MCM10: variants seen among roughly 807,000 people sequenced by gnomAD.
MCM10 encodes the protein minichromosome maintenance 10 replication initiation factor.
MCM10 carries 91 observed loss-of-function variants against 109.9 expected under a neutral mutation model. That is an observed-to-expected ratio of 0.83 (90% CI 0.70 to 0.99). The LOEUF is 0.99. Ranked by LOEUF, MCM10 falls within the 50% of genes least tolerant of loss-of-function variation. The pLI is 0.00. For synonymous variants in MCM10, 380 were observed against 387.2 expected (o/e 0.98, Z 0.22); for missense variants, 1,077 against 1,061.2 (o/e 1.01, Z -0.21).
chr10:13,176,934 A>C (rs187244115), intron 6 of MCM10, among the ~76,000 whole-genome samples: 52 of 152,328 alleles, frequency 3.4e-4, no homozygotes, highest in African/African-American at 1.1e-3. Flanking sequence ...GTATTCTCCA[A>C]AACTGAAGAA....
intron 15 of MCM10, 83 bp from the exon 16 acceptor site, chr10:13,198,606 A>T: frequency 1.2e-6 from 1 of 837,634 alleles, no homozygotes; most frequent in Non-Finnish European, 2.0e-6. Context: ...AGGAGGAGGG[A>T]GTGGGAGGGA....
At chr10:13,190,696 C>A (rs996572528) in intron 10 of MCM10, among the ~76,000 whole-genome samples, 5 of 151,654 alleles carry the variant, frequency 3.3e-5, no homozygotes, top group African/African-American at 7.3e-5. Context: ...AAAAAAAAAA[C>A]CCCAAACTGT....
chr10:13,172,340 G>T lies in MCM10; in HGVS notation c.350-36G>T. 6.5e-7 allele frequency: 1 copy of T among 1,538,646 alleles called. No homozygotes were observed. The highest frequency in any genetic ancestry group is 9.0e-7 in the Non-Finnish European group (1 of 1,115,128). ...TTTGTCATGTAGAACGTTTTCTCCT[G>T]CCTGGTTCTTAAATTAACATATTTT... On this transcript the variant is annotated intron_variant, in intron 3 of 19. Coordinates refer to ENST00000378714, the MANE Select transcript of MCM10 (RefSeq NM_018518.5). This position sits in a 1 kb window ranked among gnomAD's most constrained non-coding sequence, Gnocchi z 5.2.
intron 6 of MCM10, among the ~76,000 whole-genome samples, chr10:13,180,228 G>GC (rs2131567617): frequency 6.6e-6 from 1 of 151,832 alleles, no homozygotes; most frequent in African/African-American, 2.4e-5. Context: ...TCCAGCCTGG[G>GC]CAACAGAGTG....
intron 8 of MCM10, among the ~76,000 whole-genome samples, chr10:13,185,269 C>T (rs1250962137): frequency 6.6e-6 from 1 of 152,166 alleles, no homozygotes; most frequent in Non-Finnish European, 1.5e-5. Flanking sequence ...GCTTATTGAG[C>T]TCAAGTGTTG....
At chr10:13,165,223 C>A (rs372776602) in intron 2 of MCM10, among the ~76,000 whole-genome samples, 1 of 152,222 alleles carries the variant, frequency 6.6e-6, no homozygotes, top group South Asian at 2.1e-4. Flanking sequence ...TAAAATGGAA[C>A]AATTATGACA....
intron 2 of MCM10, among the ~76,000 whole-genome samples, chr10:13,169,172 T>C (rs910539216): frequency 1.6e-4 from 24 of 152,200 alleles, no homozygotes; most frequent in African/African-American, 5.8e-4. Flanking sequence ...CCTATGCAAA[T>C]GGCATACCTA....
chr10:13,162,211 G>C (rs917151904), intron 1 of MCM10, among the ~76,000 whole-genome samples: 10 of 152,176 alleles, frequency 6.6e-5, no homozygotes, highest in African/African-American at 2.4e-4. Flanking sequence ...CTGGAGCATC[G>C]TTATGGGTGT....
chr10:13,203,155 C>G (rs1306449057), intron 17 of MCM10, among the ~76,000 whole-genome samples: 1 of 152,106 alleles, frequency 6.6e-6, no homozygotes, highest in Non-Finnish European at 1.5e-5. Context: ...TCACAGTGTA[C>G]ATTTATTATC....
At chr10:13,171,348 C>T in intron 3 of MCM10, 85 bp downstream of exon 3, 2 of 1,200,734 alleles carry the variant, frequency 1.7e-6, no homozygotes, top group Non-Finnish European at 2.3e-6. Flanking sequence ...AAAATAGCTG[C>T]TGATTCAAGG....
intron 1 of MCM10, among the ~76,000 whole-genome samples, chr10:13,162,955 T>A (rs915583858): frequency 1.8e-4 from 28 of 152,052 alleles, no homozygotes; most frequent in African/African-American, 5.8e-4. Flanking sequence ...GGCGGGCGCC[T>A]GTAGTCCCAG....
rs778430095 is a variant in MCM10 at position 13,171,143 on chromosome 10, C to G, written c.229C>G (p.Leu77Val). ...TRDEKENLAT[L>V]FGDMEDLTDE... ...AGACGAAAAGGAAAATCTGGCCACT[C>G]TCTTTGGAGATATGGAGGACTTAAC... The change falls in exon 3 of 20, where the codon CTC (leucine) becomes GTC (valine). Residue 77 changes from leucine to valine, a missense_variant. Physicochemically the swap from Leu to Val is conservative, Grantham distance 32. Transcript: ENST00000378714. The G allele has an allele frequency of 2.2e-5, 35 of 1,614,092 alleles. No individual in the cohort carries two copies. The highest frequency in any genetic ancestry group is 2.2e-5 in the East Asian group (1 of 44,900).
intron 16 of MCM10, 90 bp from the exon 17 acceptor site, chr10:13,201,331 A>T: frequency 2.5e-6 from 2 of 797,430 alleles, no homozygotes; most frequent in South Asian, 1.6e-5. Context: ...CAGCTGAGTC[A>T]TTTGAATAAT....
intron 16 of MCM10, among the ~76,000 whole-genome samples, chr10:13,200,456 C>T (rs1360054648): frequency 1.3e-5 from 2 of 152,252 alleles, no homozygotes; most frequent in Non-Finnish European, 2.9e-5. Context: ...TATCACTACT[C>T]TGAATGATCT....
chr10:13,186,165 T>G lies in MCM10; in HGVS notation c.1100T>G (p.Val367Gly). ...CTCCTGCCCCACCTTTTCTTACAGG[T>G]GTGTTTATCTATCGATCATCCTCAG... ...PMKPKDGSEE[V>G]CLSIDHPQKV... Residue 367 changes from valine to glycine, a missense_variant and splice_region_variant, in exon 9 of 20, where the codon GTG becomes GGG. Coordinates refer to ENST00000378714, the MANE Select transcript of MCM10 (RefSeq NM_018518.5). The G allele has an allele frequency of 6.3e-7, 1 of 1,581,202 alleles. No homozygotes were observed.
Position 13,189,052 on chromosome 10 carries a change from G to A in MCM10, c.1387G>A (p.Val463Ile), listed in dbSNP as rs761289771. 2 of 1,614,124 alleles carry A rather than the reference G, an allele frequency of 1.2e-6. No individual in the cohort carries two copies. Among genetic ancestry groups the A allele is most frequent in the Non-Finnish European group, 1.7e-6 (2 of 1,180,042 alleles). The change falls in exon 10 of 20, where the codon GTT becomes ATT. Residue 463 changes from valine (V) to isoleucine (I), a missense_variant. Coordinates refer to ENST00000378714, the MANE Select transcript of MCM10 (RefSeq NM_018518.5). ...LCQDGFYYGG[V>I]SSASYAASIA... ...CCAAGATGGCTTTTACTACGGAGGG[G>A]TTTCTTCTGCCTCGTATGCAGCTTC...
intron 6 of MCM10, among the ~76,000 whole-genome samples, chr10:13,179,367 C>T (rs1195681934): frequency 6.6e-6 from 1 of 152,164 alleles, no homozygotes; most frequent in Non-Finnish European, 1.5e-5. Context: ...ACCTGGCCTT[C>T]AGGGTTCAGG....
At chr10:13,164,918 T>C (rs759330359) in intron 2 of MCM10, among the ~76,000 whole-genome samples, 1 of 152,184 alleles carries the variant, frequency 6.6e-6, no homozygotes, top group Non-Finnish European at 1.5e-5. Flanking sequence ...AAAATGATTG[T>C]GCTGGTTGTG....
chr10:13,192,710 A>C, intron 13 of MCM10, 142 bp downstream of exon 13: 1 of 710,500 alleles, frequency 1.4e-6, no homozygotes, highest in Non-Finnish European at 2.4e-6. Context: ...GTTTTCCCAT[A>C]ACCTGAATAG....
Sources: allele counts gnomAD v4.1 joint callset (sites outside exome capture counted in the v4.1 genomes callset), GRCh38; gene constraint gnomAD v4.1.1; non-coding constraint Gnocchi (gnomAD v3.1); transcripts MANE v1.5; gene names NCBI Gene and HGNC (gene_info 2026-07-23, HGNC 2026-07-21).